SNTB2: variants seen among roughly 807,000 people sequenced by gnomAD.
SNTB2 encodes syntrophin beta 2, also known as beta-2-syntrophin.
Under a neutral mutation model 46.2 loss-of-function variants are expected in SNTB2, and 34 were observed. The ratio of observed to expected loss-of-function variants is 0.74; its 90% CI spans 0.56 to 0.98. The LOEUF (loss-of-function observed/expected upper bound fraction) is 0.98, where lower values mean the gene tolerates loss of function less well. Ranked by LOEUF, SNTB2 falls within the 50% of genes least tolerant of loss-of-function variation. The pLI is 0.00. For missense variants in SNTB2, 603 were observed against 731.4 expected, an observed-to-expected ratio of 0.82 and a Z score of 2.02; for synonymous variants, 290 against 312.6, an observed-to-expected ratio of 0.93 and a Z score of 0.76.
At chr16:69,197,528 A>C (rs1357558432) in intron 1 of SNTB2, among the ~76,000 whole-genome samples, 1 of 152,238 alleles carries the variant, frequency 6.6e-6, no homozygotes, top group Non-Finnish European at 1.5e-5. Flanking sequence ...CATTATCTGC[A>C]AACTGTTTTG....
rs529810724 is a variant in SNTB2 at position 69,239,917 on chromosome 16, A to G, written c.581-5685A>G. ...GGGTCATACAACTTTTGAGACTGGT[A>G]TAATGCCTTTCAGATTCATCCAAGT... On this transcript the variant is annotated intron_variant, in intron 1 of 6. Coordinates refer to ENST00000336278, the MANE Select transcript of SNTB2 (RefSeq NM_006750.4). Among the ~76,000 whole-genome samples the G allele has an allele frequency of 8.5e-5, 13 of 152,286 alleles. No individual in the cohort carries two copies. The South Asian group carries it at 2.7e-3, about 32-fold the overall frequency.
intron 3 of SNTB2, among the ~76,000 whole-genome samples, chr16:69,265,504 C>T (rs555714697): frequency 6.6e-6 from 1 of 152,178 alleles, no homozygotes. Flanking sequence ...ATTTTCTCAT[C>T]TTTAGTGCTA....
chr16:69,202,180 G>A (rs1964169287), intron 1 of SNTB2, among the ~76,000 whole-genome samples: 1 of 152,082 alleles, frequency 6.6e-6, no homozygotes, highest in African/African-American at 2.4e-5. Flanking sequence ...AGAGTTTCTG[G>A]CCCTGTCTCC....
At chr16:69,274,739 A>G (rs930633014) in intron 4 of SNTB2, among the ~76,000 whole-genome samples, 1 of 151,736 alleles carries the variant, frequency 6.6e-6, no homozygotes, top group African/African-American at 2.4e-5. Flanking sequence ...TGGAAGAGTC[A>G]CTTAAGCCCA....
rs1488055711 is a variant in SNTB2, at chr16:69,187,323, G to A, written c.157G>A (p.Asp53Asn). The A allele has an allele frequency of 6.9e-6, 10 of 1,453,834 alleles. No homozygotes were observed. The highest frequency in any genetic ancestry group is 9.0e-6 in the Non-Finnish European group (10 of 1,105,940). 90.1% of individuals were successfully genotyped at this position (1,453,834 alleles called of 1,614,324 possible). The change falls in exon 1 of 7, where the codon GAC becomes AAC. Residue 53 changes from aspartate (D) to asparagine (N), a missense_variant. Around this residue, in one of 2 missense-constraint regions of SNTB2, gnomAD observed 537 missense variants for 692.4 expected, o/e 0.78. Transcript: ENST00000336278. The part of the protein sequence containing the change: ...LSGESLSLTG[D>N]AAAAELEPAL... ...CGGGGAGAGCCTGAGCCTGACGGGC[G>A]ACGCCGCCGCGGCCGAGCTGGAGCC... is the stretch of plus-strand genomic sequence containing the variant.
intron 4 of SNTB2, 86 bp downstream of exon 4, chr16:69,270,371 GGT>G: frequency 6.5e-7 from 1 of 1,532,102 alleles, no homozygotes; most frequent in Non-Finnish European, 8.9e-7. Flanking sequence ...TGTTATCTTA[GGT>G]GCCTAAAAGA....
At chr16:69,190,856 A>G (rs139428994) in intron 1 of SNTB2, among the ~76,000 whole-genome samples, 46 of 152,302 alleles carry the variant, frequency 3.0e-4, no homozygotes, top group African/African-American at 1.1e-3. Context: ...AGCCAGGATG[A>G]TAATAACACC....
intron 1 of SNTB2, among the ~76,000 whole-genome samples, chr16:69,190,122 T>G: frequency 6.6e-6 from 1 of 152,226 alleles, no homozygotes; most frequent in Non-Finnish European, 1.5e-5. Context: ...TTATTTAAAA[T>G]TGAGAGCTGG....
intron 1 of SNTB2, among the ~76,000 whole-genome samples, chr16:69,198,575 C>G (rs185805819): frequency 7.5e-4 from 114 of 152,306 alleles, no homozygotes; most frequent in Non-Finnish European, 1.1e-3. Context: ...CTCATATCCT[C>G]TCCTACTTCT....
intron 1 of SNTB2, among the ~76,000 whole-genome samples, chr16:69,192,971 C>T (rs529767453): frequency 4.6e-5 from 7 of 151,868 alleles, no homozygotes; most frequent in Non-Finnish European, 8.8e-5. Context: ...TTTCTTTTTG[C>T]TGTGTTCGGA....
intron 3 of SNTB2, among the ~76,000 whole-genome samples, chr16:69,263,268 A>G (rs897436244): frequency 6.6e-6 from 1 of 151,992 alleles, no homozygotes; most frequent in Non-Finnish European, 1.5e-5. Context: ...CACCACACCA[A>G]GCTAATTTTA....
chr16:69,264,622 T>C (rs923580727), intron 3 of SNTB2, among the ~76,000 whole-genome samples: 3 of 152,188 alleles, frequency 2.0e-5, no homozygotes, highest in East Asian at 1.9e-4. Context: ...CTAAGTGTTA[T>C]GTTTGTGGGA....
chr16:69,295,856 A>G (rs570702083), intron 5 of SNTB2, among the ~76,000 whole-genome samples: 1 of 152,312 alleles, frequency 6.6e-6, no homozygotes, highest in East Asian at 1.9e-4. Context: ...CAGGCACTTA[A>G]TCATCATTGC....
chr16:69,271,078 T>C (rs572070275), intron 4 of SNTB2, among the ~76,000 whole-genome samples: 8 of 152,360 alleles, frequency 5.3e-5, no homozygotes, highest in African/African-American at 1.4e-4. Flanking sequence ...CAAAGATTCA[T>C]GTAAGGCAGA....
At chr16:69,269,008 A>G (rs1172660757) in intron 3 of SNTB2, among the ~76,000 whole-genome samples, 1 of 151,516 alleles carries the variant, frequency 6.6e-6, no homozygotes, top group Non-Finnish European at 1.5e-5. Flanking sequence ...CGTCTCTACT[A>G]AAAATACAAA....
chr16:69,257,607 G>T (rs192143659), intron 2 of SNTB2, among the ~76,000 whole-genome samples: 4 of 151,822 alleles, frequency 2.6e-5, no homozygotes, highest in Admixed American at 6.6e-5. Context: ...CACCACGCCC[G>T]GCTAATTTTT....
At chr16:69,276,420 A>G (rs909567665) in intron 4 of SNTB2, among the ~76,000 whole-genome samples, 2 of 152,242 alleles carry the variant, frequency 1.3e-5, no homozygotes, top group African/African-American at 4.8e-5. Flanking sequence ...ATATTTCATA[A>G]TCAAATCTGT....
intron 3 of SNTB2, among the ~76,000 whole-genome samples, chr16:69,265,898 A>G (rs147541205): frequency 2.5e-3 from 386 of 152,024 alleles, no homozygotes; most frequent in Non-Finnish European, 4.2e-3. Flanking sequence ...GTGCATGTGT[A>G]GGTGTTCAAA....
Position 69,262,494 on chromosome 16 carries a change from C to T in SNTB2, c.1005+2234C>T, listed in dbSNP as rs142079617. 9.6e-3 allele frequency among the ~76,000 whole-genome samples: 1,451 copies of T among 151,458 alleles called. 16 individuals carry two copies. The highest frequency in any genetic ancestry group is 0.016 in the Non-Finnish European group (1,111 of 67,850). ...GTTTGTTTTGTTTAATTTCCATGTT[C>T]ATAGTGTTGTTTTTTTTAATTGGCA... On this transcript the variant is annotated intron_variant, in intron 3 of 6. Transcript: ENST00000336278.
Sources: allele counts gnomAD v4.1 joint callset (sites outside exome capture counted in the v4.1 genomes callset), GRCh38; gene constraint gnomAD v4.1.1; regional missense constraint gnomAD v4.1.1; transcripts MANE v1.5; gene names NCBI Gene and HGNC (gene_info 2026-07-23, HGNC 2026-07-21).